Variants in GSE1 observed in about 807,000 individuals in gnomAD.
GSE1 encodes genetic suppressor element 1.
In GSE1, 32 loss-of-function variants were observed where a neutral mutation model predicts 112.6. The ratio of observed to expected loss-of-function variants is 0.28; its 90% CI spans 0.21 to 0.38. GSE1 has a LOEUF of 0.38. GSE1 is among the 10% of genes least tolerant of loss of function. GSE1 has a pLI of 1.00. For missense variants in GSE1, 2,348 were observed against 1,699.2 expected, an observed-to-expected ratio of 1.38 and a Z score of -6.71; for synonymous variants, 1,115 against 735.6, an observed-to-expected ratio of 1.52 and a Z score of -8.35.
intron 13 of GSE1, among the ~76,000 whole-genome samples, chr16:85,667,549 A>G (rs532539656): frequency 8.5e-5 from 13 of 152,358 alleles, no homozygotes; most frequent in African/African-American, 2.6e-4. Flanking sequence ...AGGGCTGACT[A>G]TAGACCAAGC....
At chr16:85,609,697 C>T (rs1250142975), upstream of GSE1, among the ~76,000 whole-genome samples, 1 of 152,074 alleles carries the variant, frequency 6.6e-6, no homozygotes, top group Non-Finnish European at 1.5e-5. Flanking sequence ...CTCTGTCGCC[C>T]AGGCTAGAGT....
intron 1 of GSE1, among the ~76,000 whole-genome samples, chr16:85,211,139 C>T (rs1264507828): frequency 6.6e-6 from 1 of 152,056 alleles, no homozygotes; most frequent in African/African-American, 2.4e-5. Context: ...GCATGCTTAC[C>T]CACACCCTCC....
chr16:85,468,686 A>T (rs534945136), intron 2 of GSE1, among the ~76,000 whole-genome samples: 1 of 152,208 alleles, frequency 6.6e-6, no homozygotes, highest in Admixed American at 6.5e-5. Flanking sequence ...TGAGAACAGG[A>T]GGGCCATGTC....
intron 1 of GSE1, among the ~76,000 whole-genome samples, chr16:85,176,524 T>A (rs2074468419): frequency 6.6e-6 from 1 of 152,262 alleles, no homozygotes; most frequent in South Asian, 2.1e-4. Context: ...TTCCTTCTGT[T>A]GCTGGGAGAG....
Position 85,672,398 on chromosome 16 carries a change from T to C in GSE1, c.3520-7T>C, listed in dbSNP as rs1180072272. 2 of 1,607,446 alleles carry C rather than the reference T, an allele frequency of 1.2e-6. No homozygotes were observed. The highest frequency in any genetic ancestry group is 1.7e-6 in the Non-Finnish European group (2 of 1,174,756). ...GTTGGTTTTGACACAAATTTCCCTCTCTCCAGGAGTTGAGGAGCCAGAAAC... is the reference window on the plus strand; with the variant it reads ...GTTGGTTTTGACACAAATTTCCCTCCCTCCAGGAGTTGAGGAGCCAGAAAC... On this transcript the variant is annotated splice_polypyrimidine_tract_variant and splice_region_variant and intron_variant, in intron 15 of 15. Coordinates refer to ENST00000253458, the MANE Select transcript of GSE1 (RefSeq NM_014615.5).
At chr16:85,663,235 G>GC in intron 10 of GSE1, 109 bp from the exon 11 acceptor site, 1 of 1,367,304 alleles carries the variant, frequency 7.3e-7, no homozygotes, top group African/African-American at 1.4e-5. Flanking sequence ...CCCACCAGGC[G>GC]CAGCCAGCTA....
upstream of GSE1, among the ~76,000 whole-genome samples, chr16:85,612,563 G>C (rs1486180785): frequency 6.6e-6 from 1 of 150,818 alleles, no homozygotes; most frequent in African/African-American, 2.4e-5. Flanking sequence ...GTTCTTTAAA[G>C]AACACCCCCC....
chr16:85,555,529 C>G, upstream of GSE1: 1 of 983,846 alleles, frequency 1.0e-6, no homozygotes, highest in Non-Finnish European at 1.2e-6. Context: ...TACTTCTTGG[C>G]TGTTTGGGTA....
intron 1 of GSE1, among the ~76,000 whole-genome samples, chr16:85,338,667 G>A (rs116818329): frequency 1.8e-4 from 27 of 152,302 alleles, no homozygotes; most frequent in African/African-American, 4.1e-4. Flanking sequence ...CTAAAGGCCC[G>A]GTAGTAGTCT....
chr16:85,446,887 C>A (rs1163038793), intron 2 of GSE1, among the ~76,000 whole-genome samples: 1 of 152,136 alleles, frequency 6.6e-6, no homozygotes, highest in African/African-American at 2.4e-5. Context: ...CCCCATCTGG[C>A]CTTCCGTTCC....
At chr16:85,593,938 G>A (rs1171661462) in intron 1 of GSE1, 1 of 152,336 alleles carries the variant, frequency 6.6e-6, no homozygotes, top group East Asian at 1.9e-4. Context: ...GAATGGAGGG[G>A]CTCGGAAGCA....
At chr16:85,533,339 G>C (rs561416651) in intron 2 of GSE1, among the ~76,000 whole-genome samples, 21 of 152,002 alleles carry the variant, frequency 1.4e-4, no homozygotes, top group Non-Finnish European at 2.2e-4. Context: ...AGAATCGCTT[G>C]AAACTGGGAG....
chr16:85,519,744 C>G (rs951289515), intron 2 of GSE1, among the ~76,000 whole-genome samples: 2 of 77,032 alleles, frequency 2.6e-5, no homozygotes, highest in African/African-American at 5.1e-5. Flanking sequence ...TCACCACCAT[C>G]AGCATCACCA....
At chr16:85,592,782 C>CT (rs1260421699) in intron 1 of GSE1, 3 of 152,466 alleles carry the variant, frequency 2.0e-5, no homozygotes, top group Admixed American at 1.3e-4. Context: ...TACTGAACCT[C>CT]TCTGTGCCTC....
At chr16:85,404,206 A>G (rs1353124284) in intron 2 of GSE1, among the ~76,000 whole-genome samples, 5 of 93,490 alleles carry the variant, frequency 5.3e-5, no homozygotes, top group Non-Finnish European at 2.2e-5. Flanking sequence ...GCCCCCCTGG[A>G]TAATCCTCAC....
At position 85,673,386 on chromosome 16, in the gene GSE1, A is replaced by G. The variant is rs2053493779; in HGVS notation, c.*847A>G. 1 of 152,442 alleles carries G rather than the reference A, an allele frequency of 6.6e-6. No homozygotes were observed. 9.4% of individuals were successfully genotyped at this position (152,442 alleles called of 1,614,324 possible). On this transcript the variant is annotated 3_prime_UTR_variant, in exon 16 of 16. Transcript: ENST00000253458. ...TTTTTATTACTTTAACTATTGTTAT[A>G]AAAAGCCTGCCATTTTTAATATGTG... is the stretch of plus-strand genomic sequence containing the variant.
Position 85,331,267 on chromosome 16 carries a change from C to T in GSE1, c.2284-26196C>T, listed in dbSNP as rs948277522. Among the ~76,000 whole-genome samples, 57 of 149,736 alleles carry T rather than the reference C, an allele frequency of 3.8e-4. 1 individual carries two copies. Among genetic ancestry groups the T allele is most frequent in the Admixed American group, 4.7e-4 (7 of 14,916 alleles). ...TCCCGAGTTCAAGCGATTCTCCTGC[C>T]TCAGCCTCCCAAGTAGCTGGGATTA... On this transcript the variant is annotated intron_variant, in intron 1 of 2. Transcript: ENST00000637419.
At chr16:85,479,363 T>C (rs560087541) in intron 2 of GSE1, among the ~76,000 whole-genome samples, 4 of 151,690 alleles carry the variant, frequency 2.6e-5, no homozygotes, top group African/African-American at 9.7e-5. Context: ...GAGATGGGGT[T>C]TCATCATGTT....
chr16:85,513,277 C>G (rs1417070820), intron 2 of GSE1, among the ~76,000 whole-genome samples: 1 of 152,150 alleles, frequency 6.6e-6, no homozygotes, highest in East Asian at 1.9e-4. Context: ...GAGATGGCAG[C>G]TGGGAGCATG....
Sources: gnomAD v4.1 joint callset for allele counts (sites outside exome capture counted in the v4.1 genomes callset) on GRCh38, gnomAD v4.1.1 for gene constraint, MANE v1.5 for transcripts, NCBI Gene and HGNC (gene_info 2026-07-23, HGNC 2026-07-21) for gene names.